Variants in SH2D4A observed in about 807,000 individuals in gnomAD.
SH2D4A encodes the protein SH2 domain containing 4A.
SH2D4A carries 70 observed loss-of-function variants against 64.7 expected under a neutral mutation model. The observed-to-expected ratio is 1.08, with a 90% confidence interval of 0.89 to 1.32. The LOEUF (loss-of-function observed/expected upper bound fraction) is 1.32, where lower values mean the gene tolerates loss of function less well. Among genes scored for constraint, SH2D4A ranks in the 40% most tolerant of loss-of-function variants. The pLI is 0.00. For missense variants in SH2D4A, 706 were observed against 540.1 expected (o/e 1.31, Z -3.04); for synonymous variants, 268 against 200.7 (o/e 1.34, Z -2.83).
chr8:19,385,498 G>A (rs1335138819), intron 8 of SH2D4A, among the ~76,000 whole-genome samples: 3 of 152,086 alleles, frequency 2.0e-5, no homozygotes, highest in African/African-American at 7.3e-5. Flanking sequence ...ACCACGCCTG[G>A]CCACACTTCA....
At chr8:19,346,492 C>G (rs749578012) in intron 4 of SH2D4A, among the ~76,000 whole-genome samples, 1 of 152,218 alleles carries the variant, frequency 6.6e-6, no homozygotes, top group Non-Finnish European at 1.5e-5. Flanking sequence ...TGAAGGAAAG[C>G]AAGCCACTGA....
chr8:19,387,013 AC>A, intron 8 of SH2D4A, among the ~76,000 whole-genome samples: 1 of 147,728 alleles, frequency 6.8e-6, no homozygotes, highest in African/African-American at 2.5e-5. Context: ...ATACCACCAC[AC>A]CCAGCTAATA....
In SH2D4A at chr8:19,394,570, G is replaced by T. The variant is rs761547024; in HGVS notation, c.1293G>T (p.Leu431=). 6.2e-7 allele frequency: 1 copy of T among 1,607,594 alleles called. No individual in the cohort carries two copies. Residue 431 remains leucine (L), a synonymous_variant, in exon 10 of 10, where the codon CTG becomes CTT. Coordinates refer to ENST00000265807, the MANE Select transcript of SH2D4A (RefSeq NM_022071.4). The stretch of plus-strand genomic sequence containing the variant: ...GACAGGAGGAACCCATCACTTCCCT[G>T]GGGAAGGAGCTCCTTCTCTATCCCT... ...EYHKEEPITS[L]GKELLLYPCG...
chr8:19,322,026 A>G (rs939078181), intron 2 of SH2D4A, among the ~76,000 whole-genome samples: 7 of 152,240 alleles, frequency 4.6e-5, no homozygotes, highest in African/African-American at 1.7e-4. Context: ...GGAAAGTTCT[A>G]TCAATATCTC....
intron 8 of SH2D4A, among the ~76,000 whole-genome samples, chr8:19,382,784 T>C (rs1458395159): frequency 6.6e-6 from 1 of 151,482 alleles, no homozygotes; most frequent in African/African-American, 2.4e-5. Flanking sequence ...ATGTGATGAG[T>C]TGCTTCTCTC....
At chr8:19,386,880 G>T (rs1175178112) in intron 8 of SH2D4A, among the ~76,000 whole-genome samples, 1 of 152,202 alleles carries the variant, frequency 6.6e-6, no homozygotes, top group Non-Finnish European at 1.5e-5. Context: ...TCTGGGCTCA[G>T]GTGATTCTCC....
At chr8:19,351,310 A>G (rs2052700500) in intron 4 of SH2D4A, among the ~76,000 whole-genome samples, 1 of 152,224 alleles carries the variant, frequency 6.6e-6, no homozygotes, top group Non-Finnish European at 1.5e-5. Flanking sequence ...ATTAATAGTG[A>G]AACTAGATCT....
At chr8:19,321,192 T>C (rs2052184492) in intron 2 of SH2D4A, among the ~76,000 whole-genome samples, 1 of 123,204 alleles carries the variant, frequency 8.1e-6, no homozygotes, top group Non-Finnish European at 1.7e-5. Context: ...ATGATGAGAC[T>C]TAGAGAAGTT....
At position 19,394,715 on chromosome 8, in the gene SH2D4A, G is replaced by A. The variant is rs2053558623; in HGVS notation, c.*73G>A. Reference sequence around the variant, plus strand: ...GGACAAATGCCACTGCAACATTTATGTGTGAAGCCAAAATCACCCTGCAGC... The same window carrying A: ...GGACAAATGCCACTGCAACATTTATATGTGAAGCCAAAATCACCCTGCAGC... On this transcript the variant is annotated 3_prime_UTR_variant, in exon 10 of 10. Coordinates refer to ENST00000265807, the MANE Select transcript of SH2D4A (RefSeq NM_022071.4). 3 of 1,196,816 alleles carry A rather than the reference G, an allele frequency of 2.5e-6. No homozygotes were observed. The highest frequency in any genetic ancestry group is 1.5e-5 in the South Asian group (1 of 65,152). The allele number at this position is 1,196,816 out of a possible 1,614,324, so 74.1% of individuals were successfully genotyped here.
chr8:19,365,667 G>C (rs1201441113), intron 7 of SH2D4A, among the ~76,000 whole-genome samples: 1 of 152,202 alleles, frequency 6.6e-6, no homozygotes. Flanking sequence ...CCTATTTTCA[G>C]CTGTGCTCAG....
At chr8:19,386,541 A>T (rs1014214406) in intron 8 of SH2D4A, among the ~76,000 whole-genome samples, 3 of 152,052 alleles carry the variant, frequency 2.0e-5, no homozygotes, top group African/African-American at 4.8e-5. Context: ...CGGGAGCCCC[A>T]AGCTTCCCAC....
intron 2 of SH2D4A, among the ~76,000 whole-genome samples, chr8:19,330,470 T>C (rs146274700): frequency 6.6e-6 from 1 of 152,230 alleles, no homozygotes; most frequent in Non-Finnish European, 1.5e-5. Flanking sequence ...TTATGGTCAC[T>C]GTGTTCTCTC....
At chr8:19,319,144 T>G (rs1235025613) in intron 1 of SH2D4A, among the ~76,000 whole-genome samples, 200 bp from the exon 2 acceptor site, 2 of 152,050 alleles carry the variant, frequency 1.3e-5, no homozygotes, top group East Asian at 1.9e-4. Context: ...TTTTTTTTTT[T>G]GACAGAGTAT....
intron 3 of SH2D4A, 46 bp downstream of exon 3, chr8:19,333,160 T>C: frequency 6.4e-7 from 1 of 1,561,686 alleles, no homozygotes; most frequent in Non-Finnish European, 8.6e-7. Context: ...CTCTCCAGAC[T>C]TTAGAAAACA....
Position 19,394,748 on chromosome 8 carries a change from A to G in SH2D4A, c.*106A>G, listed in dbSNP as rs550437486. ...CCAAAATCACCCTGCAGCAGAGCCA[A>G]TACTGATCAACTGAAAGTAAAGTAT... On this transcript the variant is annotated 3_prime_UTR_variant, in exon 10 of 10. Transcript: ENST00000265807. 2.9e-5 allele frequency: 19 copies of G among 659,342 alleles called. 1 individual carries two copies. The highest frequency in any genetic ancestry group is 1.6e-4 in the African/African-American group (8 of 49,726). 40.8% of individuals were successfully genotyped at this position (659,342 alleles called of 1,614,324 possible).
chr8:19,326,848 C>T (rs1315560676), intron 2 of SH2D4A, among the ~76,000 whole-genome samples: 1 of 152,206 alleles, frequency 6.6e-6, no homozygotes, highest in Non-Finnish European at 1.5e-5. Flanking sequence ...CTGGCATTCA[C>T]TGCCCCCGAG....
chr8:19,344,440 C>A (rs1324416642), intron 4 of SH2D4A, among the ~76,000 whole-genome samples: 1 of 152,144 alleles, frequency 6.6e-6, no homozygotes, highest in African/African-American at 2.4e-5. Context: ...CAGATTGAGT[C>A]CTTCTCCTGC....
intron 2 of SH2D4A, among the ~76,000 whole-genome samples, chr8:19,328,322 A>G (rs2052315004): frequency 6.6e-6 from 1 of 152,134 alleles, no homozygotes; most frequent in Admixed American, 6.5e-5. Flanking sequence ...ATTTCTAGTA[A>G]AAGTAAAAAT....
At chr8:19,378,476 C>A (rs1301103927) in intron 8 of SH2D4A, among the ~76,000 whole-genome samples, 1 of 152,092 alleles carries the variant, frequency 6.6e-6, no homozygotes, top group East Asian at 1.9e-4. Flanking sequence ...GCTCTTGTTG[C>A]CCAGGCTGGA....
Sources: allele counts gnomAD v4.1 joint callset (sites outside exome capture counted in the v4.1 genomes callset), GRCh38; gene constraint gnomAD v4.1.1; transcripts MANE v1.5; gene names NCBI Gene and HGNC (gene_info 2026-07-23, HGNC 2026-07-21).